The following NFATC3 variants were observed in gnomAD, a reference collection of about 807,000 sequenced individuals.
The protein encoded by NFATC3 is nuclear factor of activated T-cells, cytoplasmic 3.
In NFATC3, 46 loss-of-function variants were observed where a neutral mutation model predicts 98.6. That is an observed-to-expected ratio of 0.47 (90% CI 0.37 to 0.60). The LOEUF (loss-of-function observed/expected upper bound fraction) is 0.60, where lower values mean the gene tolerates loss of function less well. NFATC3 is among the 20% of genes least tolerant of loss of function. NFATC3 has a pLI of 0.00. For synonymous variants in NFATC3, 512 were observed against 472.2 expected (o/e 1.08, Z -1.09); for missense variants, 1,256 against 1,295.5 (o/e 0.97, Z 0.47).
At chr16:68,195,424 A>T (rs142575515) in intron 9 of NFATC3, among the ~76,000 whole-genome samples, 418 of 152,190 alleles carry the variant, frequency 2.7e-3, no homozygotes, top group Non-Finnish European at 4.3e-3. Flanking sequence ...AGTCCTGGCC[A>T]CTTGGGAATG....
Position 68,172,075 on chromosome 16 carries a change from C to T in NFATC3, c.1775-2299C>T, listed in dbSNP as rs569520409. Reference sequence around the variant, plus strand: ...GGCTCGAACTCCTGACCTCGTTATCCGCCCACCTCAGCCTCCCAAAGTGCT... The same window carrying T: ...GGCTCGAACTCCTGACCTCGTTATCTGCCCACCTCAGCCTCCCAAAGTGCT... On this transcript the variant is annotated intron_variant, in intron 5 of 9. Coordinates refer to ENST00000346183, the MANE Select transcript of NFATC3 (RefSeq NM_173165.3). 4.6e-5 allele frequency among the ~76,000 whole-genome samples: 7 copies of T among 152,078 alleles called. No individual in the cohort carries two copies. In the South Asian group the frequency reaches 6.2e-4, roughly 14 times the overall value.
chr16:68,167,005 C>T lies in NFATC3; in HGVS notation c.1764C>T (p.Pro588=), dbSNP rs913658927. Residue 588 remains proline, a synonymous_variant, in exon 5 of 10, where the codon CCC becomes CCT. Transcript: ENST00000346183. ...TTTCTCTGCAGATAGCCTCTATACC[C>T]GTTGAGTGCTGTAAGTGAGCTTGTG... ...KVLSLQIASI[P]VECSQRSAQE... is the part of the protein sequence containing the mutation. The T allele has an allele frequency of 9.9e-6, 16 of 1,611,472 alleles. No homozygotes were observed. The highest frequency in any genetic ancestry group is 5.3e-5 in the African/African-American group (4 of 74,798).
At chr16:68,173,745 CAT>C (rs1464512172) in intron 5 of NFATC3, among the ~76,000 whole-genome samples, 3 of 152,026 alleles carry the variant, frequency 2.0e-5, no homozygotes, top group East Asian at 1.9e-4. Context: ...ATAGAAGAAA[CAT>C]ATTAAACATT....
chr16:68,226,604 AT>A lies in NFATC3; in HGVS notation c.*135del. The A allele has an allele frequency of 9.5e-7, 1 of 1,049,886 alleles. No individual in the cohort carries two copies. The highest frequency in any genetic ancestry group is 1.3e-6 in the Non-Finnish European group (1 of 766,070). The allele number at this position is 1,049,886 out of a possible 1,614,324, so 65.0% of individuals were successfully genotyped here. A position where few individuals can be genotyped will look rare whatever the true frequency, so the allele number is the denominator to read the frequency against. ...ACCCACCATTTGTGGGGAAAGTAGCATTCCTCCACCTCAGGCCTTGGGTAGA... is the reference window on the plus strand; with the variant it reads ...ACCCACCATTTGTGGGGAAAGTAGCATCCTCCACCTCAGGCCTTGGGTAGA... On this transcript the variant is annotated 3_prime_UTR_variant, in exon 10 of 10. Transcript: ENST00000346183.
intron 4 of NFATC3, among the ~76,000 whole-genome samples, chr16:68,159,574 C>A (rs192598067): frequency 1.2e-3 from 187 of 151,820 alleles, no homozygotes; most frequent in African/African-American, 4.3e-3. Context: ...AGGCACCTGC[C>A]ACCACGCCCG....
In NFATC3 at chr16:68,105,180, T is replaced by G. The variant is rs540662414; in HGVS notation, c.104-16807T>G. ...ATCTTGGCTTACTGCAGTCTTCACCTCCCAGGGTCAAATGATTCTCCTGCC... is the reference window on the plus strand; with the variant it reads ...ATCTTGGCTTACTGCAGTCTTCACCGCCCAGGGTCAAATGATTCTCCTGCC... On this transcript the variant is annotated intron_variant, in intron 1 of 9. Coordinates refer to ENST00000346183, the MANE Select transcript of NFATC3 (RefSeq NM_173165.3). Among the ~76,000 whole-genome samples, 297 of 147,772 alleles carry G rather than the reference T, an allele frequency of 2.0e-3. 1 individual carries two copies. Among genetic ancestry groups the G allele is most frequent in the African/African-American group, 7.1e-3 (285 of 40,112 alleles).
chr16:68,175,581 A>G (rs985335735), intron 6 of NFATC3, among the ~76,000 whole-genome samples: 1 of 150,870 alleles, frequency 6.6e-6, no homozygotes. Flanking sequence ...TTTTTTTGAG[A>G]CAGTGACTTG....
chr16:68,100,706 T>C (rs1404102247), intron 1 of NFATC3, among the ~76,000 whole-genome samples: 1 of 152,098 alleles, frequency 6.6e-6, no homozygotes, highest in Non-Finnish European at 1.5e-5. Context: ...TTTTTTTTAA[T>C]CATTCTGATG....
At position 68,227,124 on chromosome 16, in the gene NFATC3, TAA is replaced by T. The variant is rs2042055666; in HGVS notation, c.*657_*658del. On this transcript the variant is annotated 3_prime_UTR_variant, in exon 10 of 10. Transcript: ENST00000346183. ...ATTCCATCATTGAAGTGTTGGAATA[TAA>T]AAAGACATTCCAGAGCATAGCCTTT... 1 of 152,192 alleles carries T rather than the reference TAA, an allele frequency of 6.6e-6. No individual in the cohort carries two copies. The highest frequency in any genetic ancestry group is 2.4e-5 in the African/African-American group (1 of 41,444). The allele number at this position is 152,192 out of a possible 1,614,324, so 9.4% of individuals were successfully genotyped here.
At chr16:68,086,605 G>A in intron 1 of NFATC3, 3 of 981,344 alleles carry the variant, frequency 3.1e-6, no homozygotes, top group Non-Finnish European at 3.6e-6. Flanking sequence ...GAATACTGTG[G>A]TTCATTAAGT....
chr16:68,145,206 C>T (rs771484883), intron 3 of NFATC3, among the ~76,000 whole-genome samples: 15 of 150,782 alleles, frequency 9.9e-5, no homozygotes, highest in Non-Finnish European at 1.8e-4. Flanking sequence ...TGCAGTGATG[C>T]GATCTCAGCT....
intron 9 of NFATC3, among the ~76,000 whole-genome samples, chr16:68,206,638 A>G (rs747852762): frequency 6.6e-6 from 1 of 152,176 alleles, no homozygotes; most frequent in Non-Finnish European, 1.5e-5. Flanking sequence ...TGGAGGAATA[A>G]TATTCAATTT....
intron 4 of NFATC3, among the ~76,000 whole-genome samples, chr16:68,161,566 G>A (rs760301274): frequency 6.6e-5 from 10 of 152,144 alleles, no homozygotes; most frequent in Non-Finnish European, 1.5e-4. Flanking sequence ...AGTGTTTCCC[G>A]ATGGCATGGT....
intron 8 of NFATC3, among the ~76,000 whole-genome samples, chr16:68,185,269 G>A (rs1335860868): frequency 6.6e-6 from 1 of 152,110 alleles, no homozygotes; most frequent in African/African-American, 2.4e-5. Context: ...GAGCCACCGC[G>A]CCTGGCCCAG....
Position 68,229,206 on chromosome 16 carries a change from T to C in NFATC3, c.*2735T>C, listed in dbSNP as rs927934159. 6.6e-6 allele frequency: 1 copy of C among 152,252 alleles called. No homozygotes were observed. The highest frequency in any genetic ancestry group is 2.4e-5 in the African/African-American group (1 of 41,458). 9.4% of individuals were successfully genotyped at this position (152,252 alleles called of 1,614,324 possible). A position where few individuals can be genotyped will look rare whatever the true frequency, so the allele number is the denominator to read the frequency against. On this transcript the variant is annotated 3_prime_UTR_variant, in exon 10 of 10. Transcript: ENST00000346183. ...ATACAAAGGGAAGAAGAGCCAGCAG[T>C]TGAGGCTCCTCAGTTTTAGTGCTGA...
chr16:68,182,425 A>G (rs2039986061), intron 7 of NFATC3, among the ~76,000 whole-genome samples: 1 of 152,188 alleles, frequency 6.6e-6, no homozygotes, highest in Non-Finnish European at 1.5e-5. Context: ...TTGGGGCTAA[A>G]GATTTTCACC....
chr16:68,115,171 C>T (rs887922907), intron 1 of NFATC3, among the ~76,000 whole-genome samples: 4 of 151,220 alleles, frequency 2.6e-5, no homozygotes, highest in African/African-American at 7.3e-5. Context: ...TCAAGTGATT[C>T]GCCTTGCCTC....
intron 9 of NFATC3, among the ~76,000 whole-genome samples, chr16:68,218,892 A>T (rs1429643565): frequency 6.6e-6 from 1 of 151,628 alleles, no homozygotes; most frequent in Non-Finnish European, 1.5e-5. Flanking sequence ...TTTTATAATA[A>T]TTGCATACAT....
intron 3 of NFATC3, among the ~76,000 whole-genome samples, chr16:68,153,449 G>A (rs942841556): frequency 6.6e-6 from 1 of 152,016 alleles, no homozygotes; most frequent in African/African-American, 2.4e-5. Context: ...AGATAGCAAA[G>A]CATTGTGTTT....
Sources: gnomAD v4.1 joint callset for allele counts (sites outside exome capture counted in the v4.1 genomes callset) on GRCh38, gnomAD v4.1.1 for gene constraint, MANE v1.5 for transcripts, NCBI Gene and HGNC (gene_info 2026-07-23, HGNC 2026-07-21) for gene names.